Variants in LRBA observed in about 807,000 individuals in gnomAD.
LRBA encodes the protein LPS responsive beige-like anchor protein.
In LRBA, 176 loss-of-function variants were observed where a neutral mutation model predicts 330.0. That is an observed-to-expected ratio of 0.53 (90% CI 0.47 to 0.60). LRBA has a LOEUF of 0.60. Ranked by LOEUF, LRBA falls within the 20% of genes least tolerant of loss-of-function variation. The pLI is 0.00. For synonymous variants in LRBA, 1,230 were observed against 1,193.0 expected (o/e 1.03, Z -0.64); for missense variants, 3,259 against 3,444.8 (o/e 0.95, Z 1.35).
chr4:150,685,352 T>C (rs1783448489), intron 36 of LRBA, among the ~76,000 whole-genome samples: 1 of 127,856 alleles, frequency 7.8e-6, no homozygotes, highest in Non-Finnish European at 1.6e-5. Flanking sequence ...CAATTCATCC[T>C]TTGCATGGTG....
chr4:150,753,893 C>T (rs1032629573), intron 35 of LRBA, among the ~76,000 whole-genome samples: 5 of 151,878 alleles, frequency 3.3e-5, no homozygotes. Flanking sequence ...TGGCAAAACA[C>T]CAACTCTACA....
At chr4:150,511,587 G>C (rs1038390942) in intron 40 of LRBA, among the ~76,000 whole-genome samples, 2 of 152,186 alleles carry the variant, frequency 1.3e-5, no homozygotes, top group Non-Finnish European at 2.9e-5. Flanking sequence ...GGCAGTGGTT[G>C]TATTAAAGTA....
intron 47 of LRBA, among the ~76,000 whole-genome samples, chr4:150,371,971 T>C (rs1740392386): frequency 6.6e-6 from 1 of 152,214 alleles, no homozygotes; most frequent in Non-Finnish European, 1.5e-5. Context: ...TTTCATCTAA[T>C]GGTTCTTCTC....
At position 150,612,955 on chromosome 4, in the gene LRBA, T is replaced by G. The variant is rs550484218; in HGVS notation, c.5922-13824A>C. On this transcript the variant is annotated intron_variant, in intron 37 of 56. Coordinates refer to ENST00000651943, the MANE Select transcript of LRBA (RefSeq NM_001364905.1). ...CCTTAAGAAGAGGCCAATTTTCAATTGATACACAAAGAAGACGATGACATT... is the reference window on the plus strand; with the variant it reads ...CCTTAAGAAGAGGCCAATTTTCAATGGATACACAAAGAAGACGATGACATT... Among the ~76,000 whole-genome samples, 292 of 152,246 alleles carry G rather than the reference T, an allele frequency of 1.9e-3. 1 individual carries two copies. Among genetic ancestry groups the G allele is most frequent in the African/African-American group, 6.7e-3 (279 of 41,552 alleles).
chr4:150,306,041 C>T (rs1730312264), intron 52 of LRBA, among the ~76,000 whole-genome samples: 1 of 151,980 alleles, frequency 6.6e-6, no homozygotes, highest in Non-Finnish European at 1.5e-5. Flanking sequence ...TTTGACAGAA[C>T]AAATTTTCTA....
intron 22 of LRBA, among the ~76,000 whole-genome samples, chr4:150,861,833 C>G (rs2126960648): frequency 6.6e-6 from 1 of 151,968 alleles, no homozygotes; most frequent in East Asian, 1.9e-4. Context: ...AAGATATTTT[C>G]TGACAGGCAC....
intron 35 of LRBA, among the ~76,000 whole-genome samples, chr4:150,757,626 C>T (rs1043362511): frequency 6.6e-6 from 1 of 152,112 alleles, no homozygotes; most frequent in Non-Finnish European, 1.5e-5. Flanking sequence ...GTCAAACACT[C>T]CAAACTATTT....
chr4:150,906,612 C>G (rs1187588028), intron 11 of LRBA, among the ~76,000 whole-genome samples: 1 of 152,112 alleles, frequency 6.6e-6, no homozygotes, highest in African/African-American at 2.4e-5. Flanking sequence ...ATTTCATATA[C>G]TTTATCTCAA....
chr4:150,601,165 T>C (rs1287730691), intron 37 of LRBA, among the ~76,000 whole-genome samples: 9 of 152,228 alleles, frequency 5.9e-5, no homozygotes, highest in Admixed American at 5.9e-4. Context: ...TCTAATACTC[T>C]ATGCTTCAGT....
chr4:150,649,308 A>C (rs1042753431), intron 37 of LRBA, among the ~76,000 whole-genome samples: 3 of 152,164 alleles, frequency 2.0e-5, no homozygotes, highest in Non-Finnish European at 2.9e-5. Context: ...GATCCTTGAC[A>C]ATCAGGTCCC....
intron 46 of LRBA, among the ~76,000 whole-genome samples, chr4:150,419,490 C>G (rs1168969115): frequency 6.6e-6 from 1 of 151,986 alleles, no homozygotes; most frequent in Non-Finnish European, 1.5e-5. Context: ...AATCTAATAA[C>G]TATGAAGGAA....
intron 36 of LRBA, among the ~76,000 whole-genome samples, chr4:150,686,229 C>T (rs1783617958): frequency 1.3e-5 from 2 of 152,164 alleles, no homozygotes; most frequent in African/African-American, 2.4e-5. Context: ...AGTTCAACCT[C>T]TGAGAGATGT....
rs745921696 is a variant in LRBA at position 150,597,112 on chromosome 4, C to T, written c.6046+1895G>A. On this transcript the variant is annotated intron_variant, in intron 38 of 56. Transcript: ENST00000651943. ...GCTGTTCTCTCTCAATTTAAAAATG[C>T]ACACTAAAACATAGATAATTAACAT... is the stretch of plus-strand genomic sequence containing the variant. 14 of 1,391,660 alleles carry T rather than the reference C, an allele frequency of 1.0e-5. No individual in the cohort carries two copies. The highest frequency in any genetic ancestry group is 1.4e-5 in the Non-Finnish European group (14 of 1,002,484). The allele number at this position is 1,391,660 out of a possible 1,614,324, so 86.2% of individuals were successfully genotyped here. A position where few individuals can be genotyped will look rare whatever the true frequency, so the allele number is the denominator to read the frequency against.
chr4:150,946,986 G>C (rs1015862711), intron 2 of LRBA, among the ~76,000 whole-genome samples: 4 of 151,182 alleles, frequency 2.6e-5, no homozygotes, highest in Non-Finnish European at 5.9e-5. Context: ...AGAGGAAATG[G>C]ACCAATTCCT....
At chr4:150,997,864 C>A (rs1252371172) in intron 2 of LRBA, among the ~76,000 whole-genome samples, 1 of 151,728 alleles carries the variant, frequency 6.6e-6, no homozygotes, top group African/African-American at 2.4e-5. Flanking sequence ...CCACCACGCC[C>A]AGTTAATTTT....
rs1780104247 is a variant in LRBA at position 150,655,569 on chromosome 4, T to C, written c.5921+27982A>G. ...TACAAGCTTGTGTTTTCTCCAGCAA[T>C]GTACACCTTTTTAGCAAGAGCAATC... On this transcript the variant is annotated intron_variant, in intron 37 of 56. Transcript: ENST00000651943. 3.3e-5 allele frequency among the ~76,000 whole-genome samples: 5 copies of C among 152,226 alleles called. No individual in the cohort carries two copies. The South Asian group carries it at 1.0e-3, about 32-fold the overall frequency.
At chr4:150,935,265 G>A (rs1003971451) in intron 2 of LRBA, among the ~76,000 whole-genome samples, 2 of 151,666 alleles carry the variant, frequency 1.3e-5, no homozygotes, top group African/African-American at 4.8e-5. Context: ...TATAATATAG[G>A]AATGACACCA....
chr4:150,936,504 T>C (rs1457928309), intron 2 of LRBA, among the ~76,000 whole-genome samples: 1 of 151,848 alleles, frequency 6.6e-6, no homozygotes, highest in Non-Finnish European at 1.5e-5. Context: ...AAGAAAACCT[T>C]CTTGTGGAAA....
chr4:151,001,030 G>A (rs1743264346), intron 2 of LRBA, among the ~76,000 whole-genome samples: 1 of 152,134 alleles, frequency 6.6e-6, no homozygotes, highest in South Asian at 2.1e-4. Flanking sequence ...ACTAACATAA[G>A]GATCTGTCTG....
Sources: gnomAD v4.1 joint callset for allele counts (sites outside exome capture counted in the v4.1 genomes callset) on GRCh38, gnomAD v4.1.1 for gene constraint, MANE v1.5 for transcripts, NCBI Gene and HGNC (gene_info 2026-07-23, HGNC 2026-07-21) for gene names.